The following SDK1 variants were observed in gnomAD, a reference collection of about 807,000 sequenced individuals.
SDK1 encodes sidekick cell adhesion molecule 1, also known as protein sidekick-1.
In SDK1, 157 loss-of-function variants were observed where a neutral mutation model predicts 245.5. The observed-to-expected ratio is 0.64, with a 90% confidence interval of 0.56 to 0.73. The LOEUF (loss-of-function observed/expected upper bound fraction) is 0.73. SDK1 is among the 30% of genes least tolerant of loss of function. The probability of loss-of-function intolerance (pLI) is 0.00; values close to 1 mark genes in which losing one functional copy is unlikely to be tolerated. For synonymous variants in SDK1, 1,647 were observed against 1,278.5 expected, an observed-to-expected ratio of 1.29 and a Z score of -6.15; for missense variants, 3,583 against 3,002.3, an observed-to-expected ratio of 1.19 and a Z score of -4.52.
chr7:3,625,884 C>T (rs540173893), intron 2 of SDK1, among the ~76,000 whole-genome samples: 1 of 151,844 alleles, frequency 6.6e-6, no homozygotes, highest in South Asian at 2.1e-4. Context: ...GTGTTGACCA[C>T]AGCAGCAGCT....
intron 4 of SDK1, among the ~76,000 whole-genome samples, chr7:3,748,385 T>C (rs1372619843): frequency 6.6e-6 from 1 of 152,248 alleles, no homozygotes; most frequent in Non-Finnish European, 1.5e-5. Flanking sequence ...TTAGTTTATC[T>C]TGGAACATTT....
chr7:3,510,525 G>C (rs965512618), intron 1 of SDK1, among the ~76,000 whole-genome samples: 33 of 152,148 alleles, frequency 2.2e-4, no homozygotes, highest in African/African-American at 8.0e-4. Flanking sequence ...CCCTCAGAAT[G>C]AAGACCCAAA....
chr7:3,587,928 A>G (rs1472481116), intron 1 of SDK1, among the ~76,000 whole-genome samples: 1 of 152,220 alleles, frequency 6.6e-6, no homozygotes. Flanking sequence ...TTCAGTAAAC[A>G]TGTGTTGGAT....
At chr7:4,156,005 T>C (rs185910164) in intron 30 of SDK1, among the ~76,000 whole-genome samples, 2 of 152,196 alleles carry the variant, frequency 1.3e-5, no homozygotes, top group South Asian at 4.1e-4. Context: ...CTTAGTGAGC[T>C]TGCCCCACAC....
At chr7:3,978,349 A>G (rs1466191447) in intron 13 of SDK1, among the ~76,000 whole-genome samples, 1 of 152,170 alleles carries the variant, frequency 6.6e-6, no homozygotes, top group African/African-American at 2.4e-5. Context: ...TGCTTATTTG[A>G]TTTCCTCTAA....
chr7:3,563,589 C>T (rs146919765), intron 1 of SDK1, among the ~76,000 whole-genome samples: 198 of 152,290 alleles, frequency 1.3e-3, no homozygotes, highest in African/African-American at 4.3e-3. Flanking sequence ...TGCAGAGAGA[C>T]ATCAACAGTT....
rs1779513932 is a variant in SDK1 at position 3,310,050 on chromosome 7, C to G, written c.298+8166C>G. Among the ~76,000 whole-genome samples, 5 of 152,296 alleles carry G rather than the reference C, an allele frequency of 3.3e-5. No homozygotes were observed. The South Asian group carries it at 1.0e-3, about 32-fold the overall frequency. On this transcript the variant is annotated intron_variant, in intron 1 of 44. Coordinates refer to ENST00000404826, the MANE Select transcript of SDK1 (RefSeq NM_152744.4). Reference sequence around the variant, plus strand: ...GTATTCACTTCCACCTAGGGAATAACTAGAGCCACATGCTCAAAAGCTCCC... The same window carrying G: ...GTATTCACTTCCACCTAGGGAATAAGTAGAGCCACATGCTCAAAAGCTCCC...
chr7:3,318,435 A>G (rs1779715924), intron 1 of SDK1, among the ~76,000 whole-genome samples: 4 of 152,318 alleles, frequency 2.6e-5, no homozygotes, highest in Middle Eastern at 3.4e-3. Context: ...ATTAGAGGAG[A>G]TAATGTATGT....
intron 1 of SDK1, among the ~76,000 whole-genome samples, chr7:3,558,144 G>C (rs1251952833): frequency 1.3e-5 from 2 of 152,160 alleles, no homozygotes; most frequent in African/African-American, 4.8e-5. Context: ...TGCCGAATCA[G>C]ATGTTTTTAG....
chr7:3,464,780 C>T (rs968522140), intron 1 of SDK1, among the ~76,000 whole-genome samples: 1 of 151,252 alleles, frequency 6.6e-6, no homozygotes, highest in East Asian at 1.9e-4. Context: ...TTTTTCAGTT[C>T]AGTTTAACAG....
chr7:3,514,087 A>G (rs1383459538), intron 1 of SDK1, among the ~76,000 whole-genome samples: 1 of 152,144 alleles, frequency 6.6e-6, no homozygotes, highest in East Asian at 1.9e-4. Flanking sequence ...GAAAATATTC[A>G]TATTTCAGAA....
At chr7:3,694,896 A>C (rs569824158) in intron 4 of SDK1, among the ~76,000 whole-genome samples, 5 of 152,192 alleles carry the variant, frequency 3.3e-5, no homozygotes, top group Non-Finnish European at 7.4e-5. Flanking sequence ...CACACGTACA[A>C]ACACACAAGC....
intron 44 of SDK1, 93 bp from the exon 45 acceptor site, chr7:4,265,031 G>T: frequency 6.6e-7 from 1 of 1,522,536 alleles, no homozygotes; most frequent in East Asian, 2.4e-5. Flanking sequence ...ACACGCCCCT[G>T]GGGAGGTGCC....
chr7:3,338,980 A>G (rs375099289), intron 1 of SDK1, among the ~76,000 whole-genome samples: 20 of 152,342 alleles, frequency 1.3e-4, no homozygotes, highest in Admixed American at 5.2e-4. Flanking sequence ...TGGCTTAAAT[A>G]TAGATGATCT....
At chr7:3,988,863 C>T (rs949735278) in intron 14 of SDK1, among the ~76,000 whole-genome samples, 7 of 152,174 alleles carry the variant, frequency 4.6e-5, no homozygotes, top group African/African-American at 7.2e-5. Context: ...CCTCTGCCTC[C>T]TGGGTTCAAG....
At chr7:3,701,074 C>T (rs1357822378) in intron 4 of SDK1, among the ~76,000 whole-genome samples, 1 of 152,030 alleles carries the variant, frequency 6.6e-6, no homozygotes, top group Non-Finnish European at 1.5e-5. Flanking sequence ...GTAGAAAATT[C>T]CAAGGAATCT....
intron 1 of SDK1, among the ~76,000 whole-genome samples, chr7:3,532,881 T>G (rs1163472651): frequency 6.6e-6 from 1 of 152,102 alleles, no homozygotes; most frequent in East Asian, 1.9e-4. Context: ...CCTCTTTCCC[T>G]CCTTGTTCTC....
At chr7:3,933,280 T>A (rs891019462) in intron 5 of SDK1, among the ~76,000 whole-genome samples, 11 of 151,540 alleles carry the variant, frequency 7.3e-5, no homozygotes, top group African/African-American at 1.5e-4. Context: ...CCAGCTAATT[T>A]AAAAAAAATG....
At chr7:3,434,596 T>C (rs888070742) in intron 1 of SDK1, among the ~76,000 whole-genome samples, 17 of 152,218 alleles carry the variant, frequency 1.1e-4, no homozygotes, top group Non-Finnish European at 2.9e-5. Flanking sequence ...GGCTCAAAGA[T>C]GTTAAGTAGC....
Sources: gnomAD v4.1 joint callset for allele counts (sites outside exome capture counted in the v4.1 genomes callset) on GRCh38, gnomAD v4.1.1 for gene constraint, MANE v1.5 for transcripts, NCBI Gene and HGNC (gene_info 2026-07-23, HGNC 2026-07-21) for gene names.